The following AMBP variants were observed in gnomAD, a reference collection of about 807,000 sequenced individuals.
AMBP encodes the protein protein AMBP.
Under a neutral mutation model 46.3 loss-of-function variants are expected in AMBP, and 37 were observed. That is an observed-to-expected ratio of 0.80 (90% confidence interval 0.61 to 1.05). The LOEUF (loss-of-function observed/expected upper bound fraction) is 1.05, where lower values mean the gene tolerates loss of function less well. Among genes scored for constraint, AMBP ranks in the 50% least tolerant of loss-of-function variants. The pLI, the probability that AMBP is intolerant of heterozygous loss-of-function variation, is 0.00. For synonymous variants in AMBP, 174 were observed against 175.9 expected (o/e 0.99, Z 0.09); for missense variants, 475 against 461.2 (o/e 1.03, Z -0.27).
chr9:114,063,360 C>T (rs1048992542), intron 6 of AMBP, among the ~76,000 whole-genome samples: 1 of 152,214 alleles, frequency 6.6e-6, no homozygotes, highest in African/African-American at 2.4e-5. Context: ...CAGCCCTGCC[C>T]ACAGGTGAGA....
chr9:114,064,656 A>G (rs1846675256), intron 6 of AMBP, among the ~76,000 whole-genome samples: 1 of 137,062 alleles, frequency 7.3e-6, no homozygotes. Flanking sequence ...AATACCTAAC[A>G]TTTAGCAAAA....
chr9:114,069,973 G>A (rs1380864221), intron 5 of AMBP: 2 of 559,482 alleles, frequency 3.6e-6, no homozygotes, highest in Non-Finnish European at 6.4e-6. Flanking sequence ...CACCCCACTA[G>A]CATCATTTTA....
intron 2 of AMBP, 88 bp from the exon 3 acceptor site, chr9:114,075,124 G>T (rs1410277845): frequency 8.3e-6 from 9 of 1,088,026 alleles, no homozygotes; most frequent in Non-Finnish European, 1.2e-5. Context: ...CTTTCCAAAT[G>T]CCTTGGTTTT....
chr9:114,073,028 T>C lies in AMBP; in HGVS notation c.455-2A>G. On this transcript the variant is annotated splice_acceptor_variant, in intron 4 of 9. Coordinates refer to ENST00000265132, the MANE Select transcript of AMBP (RefSeq NM_001633.4). LOFTEE classifies it high-confidence loss of function. Reference sequence around the variant, plus strand: ...TTTCCCTCAGCTGCGGCGCCCGCCCTGCAAGGAGGAAGCAGAGGAGACGCC... The same window carrying C: ...TTTCCCTCAGCTGCGGCGCCCGCCCCGCAAGGAGGAAGCAGAGGAGACGCC... 1 of 1,612,452 alleles carries C rather than the reference T, an allele frequency of 6.2e-7. No individual in the cohort carries two copies. The highest frequency in any genetic ancestry group is 8.5e-7 in the Non-Finnish European group (1 of 1,179,230).
At chr9:114,072,512 G>A (rs1846755647) in intron 5 of AMBP, among the ~76,000 whole-genome samples, 1 of 152,176 alleles carries the variant, frequency 6.6e-6, no homozygotes, top group Non-Finnish European at 1.5e-5. Context: ...CAAGTGGGTG[G>A]AACAAGCCCA....
At chr9:114,062,625 C>T (rs775462330) in intron 7 of AMBP, 52 bp downstream of exon 7, 12 of 1,579,878 alleles carry the variant, frequency 7.6e-6, no homozygotes, top group Non-Finnish European at 1.0e-5. Flanking sequence ...CAACTGTGGG[C>T]CCTTCCTTTC....
chr9:114,061,798 T>G (rs1347554687), intron 7 of AMBP, among the ~76,000 whole-genome samples: 1 of 152,112 alleles, frequency 6.6e-6, no homozygotes, highest in Non-Finnish European at 1.5e-5. Context: ...CCAAAACCAA[T>G]GCCCATTCCA....
chr9:114,078,048 T>C, intron 1 of AMBP, 45 bp downstream of exon 1: 2 of 1,596,164 alleles, frequency 1.3e-6, no homozygotes, highest in Non-Finnish European at 1.7e-6. Context: ...CTGCCTGGAC[T>C]CCCCATCACC....
intron 2 of AMBP, 34 bp from the exon 3 acceptor site, chr9:114,075,070 C>G: frequency 6.3e-7 from 1 of 1,584,342 alleles, no homozygotes; most frequent in Non-Finnish European, 8.7e-7. Flanking sequence ...AAGGTCACTC[C>G]TGGTAGAGAT....
chr9:114,060,573 G>A (rs1020735976), intron 9 of AMBP, among the ~76,000 whole-genome samples: 5 of 152,096 alleles, frequency 3.3e-5, no homozygotes, highest in South Asian at 2.1e-4. Context: ...CTAACTCCGC[G>A]TCAGGTACTG....
chr9:114,066,381 G>A, intron 6 of AMBP, among the ~76,000 whole-genome samples: 1 of 90,974 alleles, frequency 1.1e-5, no homozygotes, highest in Middle Eastern at 6.8e-3. Flanking sequence ...GTGCACGTGT[G>A]TGTGTGTGTG....
chr9:114,064,842 T>A (rs1437058505), intron 6 of AMBP, among the ~76,000 whole-genome samples: 2 of 152,170 alleles, frequency 1.3e-5, no homozygotes, highest in Non-Finnish European at 2.9e-5. Flanking sequence ...CCAGGCCTGG[T>A]ATGTCATCAG....
In AMBP at chr9:114,073,045, G is replaced by A. The variant is rs376772412; in HGVS notation, c.455-19C>T. 205 of 1,607,416 alleles carry A rather than the reference G, an allele frequency of 1.3e-4. No individual in the cohort carries two copies. Among genetic ancestry groups the A allele is most frequent in the Non-Finnish European group, 1.7e-4 (195 of 1,176,580 alleles). ...GCCCGCCCTGCAAGGAGGAAGCAGA[G>A]GAGACGCCTAGAACCACCAGGTGCT... On this transcript the variant is annotated intron_variant, in intron 4 of 9. Coordinates refer to ENST00000265132, the MANE Select transcript of AMBP (RefSeq NM_001633.4).
At position 114,060,155 on chromosome 9, in the gene AMBP, T is replaced by G. The variant is rs1846617782; in HGVS notation, c.*84A>C. On this transcript the variant is annotated 3_prime_UTR_variant, in exon 10 of 10. Transcript: ENST00000265132. Reference sequence around the variant, plus strand: ...CAGGAGTTTACAATTTAGTTTTTATTTGGACCCAGGTTGCTTGGCGCTGCC... The same window carrying G: ...CAGGAGTTTACAATTTAGTTTTTATGTGGACCCAGGTTGCTTGGCGCTGCC... The G allele has an allele frequency of 1.4e-6, 2 of 1,426,570 alleles. No homozygotes were observed. The highest frequency in any genetic ancestry group is 1.4e-5 in the African/African-American group (1 of 70,080). The allele number at this position is 1,426,570 out of a possible 1,614,324, so 88.4% of individuals were successfully genotyped here. A position where few individuals can be genotyped will look rare whatever the true frequency, so the allele number is the denominator to read the frequency against.
chr9:114,074,161 G>C lies in AMBP; in HGVS notation c.338-9C>G, dbSNP rs747674268. ...CATGGTTATGTTCCATTCTGCATGG[G>C]AGGTGCAGGCAGACCAAAGGGATCA... is the stretch of plus-strand genomic sequence containing the variant. On this transcript the variant is annotated splice_polypyrimidine_tract_variant and intron_variant, in intron 3 of 9. Coordinates refer to ENST00000265132, the MANE Select transcript of AMBP (RefSeq NM_001633.4). 1 of 1,608,990 alleles carries C rather than the reference G, an allele frequency of 6.2e-7. No homozygotes were observed. The highest frequency in any genetic ancestry group is 8.5e-7 in the Non-Finnish European group (1 of 1,175,352).
At chr9:114,070,522 C>A (rs897296030) in intron 5 of AMBP, among the ~76,000 whole-genome samples, 1 of 152,196 alleles carries the variant, frequency 6.6e-6, no homozygotes, top group Non-Finnish European at 1.5e-5. Context: ...CCCTGGCGGC[C>A]GTCACGATGG....
chr9:114,066,376 C>CGTGTGTGTGTGT (rs55940547), intron 6 of AMBP, among the ~76,000 whole-genome samples: 10,599 of 141,140 alleles, frequency 0.075, 517 homozygotes, highest in African/African-American at 0.1. Context: ...TTTATGTGCA[C>CGTGTGTGTGTGT]GTGTGTGTGT....
At chr9:114,068,830 A>C (rs998103355) in intron 6 of AMBP, among the ~76,000 whole-genome samples, 2 of 151,008 alleles carry the variant, frequency 1.3e-5, no homozygotes, top group South Asian at 4.2e-4. Flanking sequence ...AAAAAAAAAA[A>C]AACCTTTACT....
intron 6 of AMBP, among the ~76,000 whole-genome samples, chr9:114,064,584 A>C (rs1012443108): frequency 6.6e-6 from 1 of 152,196 alleles, no homozygotes; most frequent in African/African-American, 2.4e-5. Flanking sequence ...AAAGAAATAC[A>C]GATTTAGTTG....
Sources: gnomAD v4.1 joint callset for allele counts (sites outside exome capture counted in the v4.1 genomes callset) on GRCh38, gnomAD v4.1.1 for gene constraint, MANE v1.5 for transcripts, NCBI Gene and HGNC (gene_info 2026-07-23, HGNC 2026-07-21) for gene names.